The following GRIK2 variants were observed in gnomAD, a reference collection of about 807,000 sequenced individuals.
The protein encoded by GRIK2 is glutamate ionotropic receptor kainate type subunit 2.
GRIK2 carries 32 observed loss-of-function variants against 100.3 expected under a neutral mutation model. The ratio of observed to expected loss-of-function variants is 0.32; its 90% CI spans 0.24 to 0.43. The LOEUF (loss-of-function observed/expected upper bound fraction) is 0.43, where lower values mean the gene tolerates loss of function less well. Ranked by LOEUF, GRIK2 falls within the 20% of genes least tolerant of loss-of-function variation. GRIK2 has a pLI of 1.00. For synonymous variants in GRIK2, 417 were observed against 389.4 expected, an observed-to-expected ratio of 1.07 and a Z score of -0.83; for missense variants, 843 against 1,114.9, an observed-to-expected ratio of 0.76 and a Z score of 3.47.
intron 12 of GRIK2, among the ~76,000 whole-genome samples, chr6:101,914,089 C>A (rs906690308): frequency 6.6e-6 from 1 of 150,464 alleles, no homozygotes; most frequent in African/African-American, 2.4e-5. Flanking sequence ...TAGAGCCCAC[C>A]AAAAATTGTA....
At chr6:101,796,429 C>T (rs1004516981) in intron 7 of GRIK2, among the ~76,000 whole-genome samples, 3 of 152,170 alleles carry the variant, frequency 2.0e-5, no homozygotes, top group Non-Finnish European at 4.4e-5. Context: ...AGAATTTTCA[C>T]ACGGTTTTTC....
intron 2 of GRIK2, among the ~76,000 whole-genome samples, chr6:101,502,891 A>C (rs1773836593): frequency 6.6e-6 from 1 of 152,146 alleles, no homozygotes; most frequent in Non-Finnish European, 1.5e-5. Context: ...AGTATAAATA[A>C]ATTCTATGGA....
rs1156834851 is a variant in GRIK2, at chr6:102,069,850, T to G, written c.*1339T>G. 1 of 151,938 alleles carries G rather than the reference T, an allele frequency of 6.6e-6. No individual in the cohort carries two copies. The highest frequency in any genetic ancestry group is 1.5e-5 in the Non-Finnish European group (1 of 67,974). 9.4% of individuals were successfully genotyped at this position (151,938 alleles called of 1,614,324 possible). Reference sequence around the variant, plus strand: ...AAAAAGGAATCATAGAAGAGAAATATTTTCAAGTTAGATAATATAAAAGCT... The same window carrying G: ...AAAAAGGAATCATAGAAGAGAAATAGTTTCAAGTTAGATAATATAAAAGCT... On this transcript the variant is annotated 3_prime_UTR_variant, in exon 17 of 17. Coordinates refer to ENST00000369134, the MANE Select transcript of GRIK2 (RefSeq NM_021956.5).
intron 2 of GRIK2, among the ~76,000 whole-genome samples, chr6:101,559,451 C>T (rs1039668454): frequency 1.3e-4 from 20 of 151,966 alleles, no homozygotes; most frequent in African/African-American, 4.6e-4. Flanking sequence ...TGATTAATTG[C>T]AACCTCTCAT....
At chr6:101,719,146 T>G (rs1053306223) in intron 7 of GRIK2, among the ~76,000 whole-genome samples, 14 of 8,212 alleles carry the variant, frequency 1.7e-3, no homozygotes, top group South Asian at 0.016. Context: ...GGGTTTTTTT[T>G]TTTTTTTTTT....
In GRIK2 at chr6:101,450,095, G is replaced by T. The variant is rs546485658; in HGVS notation, c.115+50703G>T. ...TACGGAGTCTGTTGAAAGTCATTCTGCAACTCAGGGAAATTATGTAACTGC... is the reference window on the plus strand; with the variant it reads ...TACGGAGTCTGTTGAAAGTCATTCTTCAACTCAGGGAAATTATGTAACTGC... On this transcript the variant is annotated intron_variant, in intron 2 of 16. Coordinates refer to ENST00000369134, the MANE Select transcript of GRIK2 (RefSeq NM_021956.5). 9.2e-5 allele frequency among the ~76,000 whole-genome samples: 14 copies of T among 151,724 alleles called. No homozygotes were observed. The South Asian group carries it at 2.9e-3, about 31-fold the overall frequency.
At chr6:101,437,677 A>T (rs1231656229) in intron 2 of GRIK2, among the ~76,000 whole-genome samples, 1 of 152,086 alleles carries the variant, frequency 6.6e-6, no homozygotes, top group African/African-American at 2.4e-5. Flanking sequence ...GTATAATACT[A>T]CTTATTTTCC....
chr6:101,575,985 G>A (rs1417199437), intron 2 of GRIK2, among the ~76,000 whole-genome samples: 2 of 152,042 alleles, frequency 1.3e-5, no homozygotes, highest in African/African-American at 4.8e-5. Context: ...TTGTCAGACA[G>A]CTAAACAACC....
At chr6:101,655,433 A>G (rs1185355425) in intron 4 of GRIK2, among the ~76,000 whole-genome samples, 1 of 152,166 alleles carries the variant, frequency 6.6e-6, no homozygotes, top group Non-Finnish European at 1.5e-5. Context: ...CTTAAGAACA[A>G]TTACTCACAA....
chr6:101,672,077 G>A (rs1489828709), intron 4 of GRIK2, among the ~76,000 whole-genome samples: 1 of 152,026 alleles, frequency 6.6e-6, no homozygotes, highest in Non-Finnish European at 1.5e-5. Context: ...ATTAGATATG[G>A]CTAGGATGGA....
intron 14 of GRIK2, among the ~76,000 whole-genome samples, chr6:101,966,790 A>T (rs1331490181): frequency 6.6e-6 from 1 of 152,150 alleles, no homozygotes; most frequent in Non-Finnish European, 1.5e-5. Flanking sequence ...TTAACAATTT[A>T]ATGGTTGATT....
At chr6:101,572,132 A>T (rs1168772649) in intron 2 of GRIK2, among the ~76,000 whole-genome samples, 5 of 149,748 alleles carry the variant, frequency 3.3e-5, no homozygotes, top group Non-Finnish European at 7.4e-5. Context: ...TTTGTCATTT[A>T]AAAAAAGTTG....
intron 16 of GRIK2, among the ~76,000 whole-genome samples, chr6:102,058,003 G>GA (rs1344691135): frequency 2.6e-5 from 4 of 151,468 alleles, no homozygotes; most frequent in East Asian, 1.9e-4. Context: ...CTATTGCAAT[G>GA]AAAAAAAATG....
intron 12 of GRIK2, among the ~76,000 whole-genome samples, chr6:101,900,750 A>G (rs1361620321): frequency 6.6e-6 from 1 of 152,148 alleles, no homozygotes; most frequent in East Asian, 1.9e-4. Flanking sequence ...AGAAAACTTT[A>G]CGTGCCTTAT....
At chr6:102,040,619 C>T (rs185308958) in intron 15 of GRIK2, among the ~76,000 whole-genome samples, 90 of 151,506 alleles carry the variant, frequency 5.9e-4, no homozygotes, top group African/African-American at 2.0e-3. Flanking sequence ...AGAATTGGTA[C>T]CAGTGGAGGT....
intron 2 of GRIK2, among the ~76,000 whole-genome samples, chr6:101,589,377 C>T (rs1167266737): frequency 6.6e-6 from 1 of 152,196 alleles, no homozygotes; most frequent in South Asian, 2.1e-4. Flanking sequence ...CACCATGTTG[C>T]ACAATAGATC....
At chr6:101,566,740 TTTA>T (rs564917644) in intron 2 of GRIK2, among the ~76,000 whole-genome samples, 77 of 150,636 alleles carry the variant, frequency 5.1e-4, no homozygotes, top group African/African-American at 1.8e-3. Flanking sequence ...AGAAAATTTT[TTTA>T]TTCTCTATAT....
chr6:101,476,537 T>G (rs1258659474), intron 2 of GRIK2, among the ~76,000 whole-genome samples: 1 of 152,040 alleles, frequency 6.6e-6, no homozygotes, highest in Non-Finnish European at 1.5e-5. Flanking sequence ...TGATTTTAGG[T>G]TTTTTTCCCA....
intron 10 of GRIK2, among the ~76,000 whole-genome samples, chr6:101,822,225 C>G (rs1380070113): frequency 6.6e-6 from 1 of 151,280 alleles, no homozygotes; most frequent in Non-Finnish European, 1.5e-5. Context: ...CACACACACA[C>G]ACACACACAC....
Sources: gnomAD v4.1 joint callset for allele counts (sites outside exome capture counted in the v4.1 genomes callset) on GRCh38, gnomAD v4.1.1 for gene constraint, MANE v1.5 for transcripts, NCBI Gene and HGNC (gene_info 2026-07-23, HGNC 2026-07-21) for gene names.